The following CA8 variants were observed in gnomAD, a reference collection of about 807,000 sequenced individuals.
CA8 encodes carbonic anhydrase 8 (inactive).
Under a neutral mutation model 41.4 loss-of-function variants are expected in CA8, and 22 were observed. That is an observed-to-expected ratio of 0.53 (90% confidence interval 0.38 to 0.76). CA8 has a LOEUF of 0.76. Ranked by LOEUF, CA8 falls within the 30% of genes least tolerant of loss-of-function variation. The pLI, the probability that CA8 is intolerant of heterozygous loss-of-function variation, is 0.00. For synonymous variants in CA8, 121 were observed against 130.6 expected, an observed-to-expected ratio of 0.93 and a Z score of 0.50; for missense variants, 270 against 352.8, an observed-to-expected ratio of 0.77 and a Z score of 1.88.
intron 4 of CA8, among the ~76,000 whole-genome samples, chr8:60,227,841 C>G (rs1189550227): frequency 6.6e-6 from 1 of 152,076 alleles, no homozygotes; most frequent in Admixed American, 6.6e-5. Context: ...GTATAAAATG[C>G]TCCCAAAAAA....
At chr8:60,280,465 C>T (rs949587257) in intron 1 of CA8, among the ~76,000 whole-genome samples, 5 of 152,148 alleles carry the variant, frequency 3.3e-5, no homozygotes, top group Non-Finnish European at 5.9e-5. Context: ...CTGGTTGGCT[C>T]TAATAGGAGC....
intron 3 of CA8, among the ~76,000 whole-genome samples, chr8:60,241,286 C>T (rs1337530623): frequency 2.6e-5 from 4 of 152,200 alleles, no homozygotes; most frequent in Non-Finnish European, 5.9e-5. Flanking sequence ...TAGCTATCAC[C>T]TACTTGTTAT....
rs1385669138 is a variant in CA8, at chr8:60,278,815, T to G, written c.292+874A>C. Among the ~76,000 whole-genome samples, 5 of 152,330 alleles carry G rather than the reference T, an allele frequency of 3.3e-5. No homozygotes were observed. In the East Asian group the frequency reaches 9.6e-4, roughly 29 times the overall value. On this transcript the variant is annotated intron_variant, in intron 2 of 8. Coordinates refer to ENST00000317995, the MANE Select transcript of CA8 (RefSeq NM_004056.6). Reference sequence around the variant, plus strand: ...TGATTAATAACAAACCTAAAGATTTTATAGTTTGAGGTATCAACTTTATCA... The same window carrying G: ...TGATTAATAACAAACCTAAAGATTTGATAGTTTGAGGTATCAACTTTATCA...
At chr8:60,259,332 A>AT (rs1299211980) in intron 3 of CA8, among the ~76,000 whole-genome samples, 1 of 152,222 alleles carries the variant, frequency 6.6e-6, no homozygotes, top group Non-Finnish European at 1.5e-5. Context: ...TTAATTACAT[A>AT]TTATAGGAAC....
chr8:60,207,359 C>T (rs143959424), intron 8 of CA8, among the ~76,000 whole-genome samples: 2 of 152,328 alleles, frequency 1.3e-5, no homozygotes. Context: ...ACACCCAATA[C>T]GTCCCTATTT....
intron 7 of CA8, 40 bp from the exon 8 acceptor site, chr8:60,208,959 C>T (rs760157488): frequency 7.5e-6 from 12 of 1,599,770 alleles, no homozygotes; most frequent in Middle Eastern, 1.6e-4. Context: ...AATCAATTAT[C>T]GGACATTAAC....
At position 60,189,333 on chromosome 8, in the gene CA8, C is replaced by T. The variant is rs1047668061; in HGVS notation, c.*688G>A. The T allele has an allele frequency of 5.3e-5, 8 of 152,078 alleles. No individual in the cohort carries two copies. The highest frequency in any genetic ancestry group is 2.1e-4 in the South Asian group (1 of 4,820). 9.4% of individuals were successfully genotyped at this position (152,078 alleles called of 1,614,324 possible). ...TCAAATTCCTATTAAACCACAGCTTCGAATATGTCAAATAAATAAATTTGA... is the reference window on the plus strand; with the variant it reads ...TCAAATTCCTATTAAACCACAGCTTTGAATATGTCAAATAAATAAATTTGA... On this transcript the variant is annotated 3_prime_UTR_variant, in exon 9 of 9. Transcript: ENST00000317995.
intron 2 of CA8, among the ~76,000 whole-genome samples, chr8:60,276,290 G>A (rs187966107): frequency 1.3e-5 from 2 of 152,314 alleles, no homozygotes; most frequent in East Asian, 3.9e-4. Context: ...CCAAGGAGCT[G>A]CGAGAAGAGG....
intron 3 of CA8, among the ~76,000 whole-genome samples, chr8:60,244,307 CTGGCTTTGATTCAT>C (rs1203628023): frequency 6.6e-6 from 1 of 152,340 alleles, no homozygotes; most frequent in East Asian, 1.9e-4. Context: ...GCCTCCAAAG[CTGGCTTTGATTCAT>C]TCTCTACCCT....
At chr8:60,209,141 G>A (rs143836486) in intron 7 of CA8, among the ~76,000 whole-genome samples, 1 of 152,266 alleles carries the variant, frequency 6.6e-6, no homozygotes, top group Admixed American at 6.5e-5. Context: ...GACATATCAA[G>A]ATCTCTGAAC....
At chr8:60,192,072 TCTTA>T (rs1291999488) in intron 8 of CA8, among the ~76,000 whole-genome samples, 3 of 152,238 alleles carry the variant, frequency 2.0e-5, no homozygotes, top group Admixed American at 1.3e-4. Flanking sequence ...ATTGAGCTTT[TCTTA>T]CTTATATATT....
intron 3 of CA8, among the ~76,000 whole-genome samples, chr8:60,245,396 ACTTC>A (rs1257022077): frequency 1.3e-5 from 2 of 152,194 alleles, no homozygotes; most frequent in Non-Finnish European, 2.9e-5. Context: ...CCCATAAAGT[ACTTC>A]CTTATTTATA....
chr8:60,276,885 G>A (rs1455156443), intron 2 of CA8, among the ~76,000 whole-genome samples: 6 of 152,140 alleles, frequency 3.9e-5, no homozygotes, highest in Non-Finnish European at 7.4e-5. Flanking sequence ...TTGGGAGGCC[G>A]AGGTGGGCGG....
At chr8:60,207,028 C>T (rs920150263) in intron 8 of CA8, among the ~76,000 whole-genome samples, 2 of 152,186 alleles carry the variant, frequency 1.3e-5, no homozygotes, top group Non-Finnish European at 2.9e-5. Flanking sequence ...GTGGCTGCGA[C>T]CTGGAGTCTC....
chr8:60,275,693 G>C (rs2130626939), intron 2 of CA8, among the ~76,000 whole-genome samples: 1 of 152,078 alleles, frequency 6.6e-6, no homozygotes, highest in South Asian at 2.1e-4. Context: ...TAAGAAAATT[G>C]CTGGTAAATA....
At chr8:60,266,098 G>A (rs1585925103) in intron 2 of CA8, 49 bp from the exon 3 acceptor site, 1 of 1,579,234 alleles carries the variant, frequency 6.3e-7, no homozygotes. Flanking sequence ...ATTTACCTCA[G>A]CATTATAAAC....
chr8:60,276,911 G>C (rs112927185), intron 2 of CA8, among the ~76,000 whole-genome samples: 3,630 of 152,224 alleles, frequency 0.024, 125 homozygotes, highest in African/African-American at 0.081. Context: ...CTGAGGTCAG[G>C]AGTTTGAGAC....
rs1283160151 is a variant in CA8 at position 60,186,678 on chromosome 8, A to C, written c.*3343T>G. ...TAAGTTGGAGACACACTTTAGATTC[A>C]AAAATATAAATAAGTTGAAAGTGAA... On this transcript the variant is annotated 3_prime_UTR_variant, in exon 9 of 9. Coordinates refer to ENST00000317995, the MANE Select transcript of CA8 (RefSeq NM_004056.6). 6.6e-6 allele frequency among the ~76,000 whole-genome samples: 1 copy of C among 151,996 alleles called. No homozygotes were observed. Among genetic ancestry groups the C allele is most frequent in the Non-Finnish European group, 1.5e-5 (1 of 67,918 alleles).
chr8:60,281,242 G>A lies in CA8; in HGVS notation c.-95C>T. ...GCCGGAGCGGAGCGCGCGTGGGGGA[G>A]TGTGAGCACGCGTGAGCGGCAGTGT... On this transcript the variant is annotated 5_prime_UTR_variant, in exon 1 of 9. Coordinates refer to ENST00000317995, the MANE Select transcript of CA8 (RefSeq NM_004056.6). 1.2e-6 allele frequency: 1 copy of A among 824,234 alleles called. No individual in the cohort carries two copies. The highest frequency in any genetic ancestry group is 2.0e-6 in the Non-Finnish European group (1 of 503,978). 51.1% of individuals were successfully genotyped at this position (824,234 alleles called of 1,614,324 possible). A position where few individuals can be genotyped will look rare whatever the true frequency, so the allele number is the denominator to read the frequency against.
Sources: gnomAD v4.1 joint callset for allele counts (sites outside exome capture counted in the v4.1 genomes callset) on GRCh38, gnomAD v4.1.1 for gene constraint, MANE v1.5 for transcripts, NCBI Gene and HGNC (gene_info 2026-07-23, HGNC 2026-07-21) for gene names.